Variants in IFT57 observed in about 807,000 individuals in gnomAD.
IFT57 encodes the protein intraflagellar transport protein 57 homolog.
A neutral mutation model predicts 56.8 loss-of-function variants in IFT57; 59 were observed. That is an observed-to-expected ratio of 1.04 (90% CI 0.84 to 1.29). The LOEUF is 1.29. IFT57 is among the 50% of genes most tolerant of loss of function. IFT57 has a pLI of 0.00. For synonymous variants in IFT57, 209 were observed against 186.1 expected, an observed-to-expected ratio of 1.12 and a Z score of -1.00; for missense variants, 470 against 522.1, an observed-to-expected ratio of 0.90 and a Z score of 0.97.
Position 108,213,938 on chromosome 3 carries a change from T to TTA in IFT57, c.577_578insTA (p.Glu193ValfsTer20), listed in dbSNP as rs2080357227. ...GTTCAGCTACACACATACCACAAATTCTTCATCCACTTTATTTAATGTTAA... is the reference window on the plus strand; with the variant it reads ...GTTCAGCTACACACATACCACAAATTTACTTCATCCACTTTATTTAATGTTAA... On this transcript the variant is annotated frameshift_variant, in exon 4 of 11. Transcript: ENST00000264538. LOFTEE classifies it high-confidence loss of function. The TTA allele has an allele frequency of 1.3e-6, 2 of 1,600,000 alleles. No homozygotes were observed. Among genetic ancestry groups the TTA allele is most frequent in the East Asian group, 4.5e-5 (2 of 44,678 alleles).
chr3:108,205,994 T>TTA (rs71103464), intron 5 of IFT57, among the ~76,000 whole-genome samples: 83,888 of 113,886 alleles, frequency 0.74, 31,341 homozygotes, highest in Non-Finnish European at 0.85. Context: ...TATAATATAT[T>TTA]TATGTTATAT....
intron 3 of IFT57, among the ~76,000 whole-genome samples, chr3:108,214,317 C>T (rs1200188847): frequency 6.6e-6 from 1 of 152,096 alleles, no homozygotes; most frequent in Admixed American, 6.6e-5. Context: ...TTTTTACATA[C>T]AAGCACTGTA....
intron 10 of IFT57, among the ~76,000 whole-genome samples, chr3:108,163,010 T>C (rs970078479): frequency 1.3e-5 from 2 of 152,028 alleles, no homozygotes; most frequent in Non-Finnish European, 2.9e-5. Context: ...GAATTATCTT[T>C]GAGATGTAGA....
At chr3:108,192,344 C>T (rs1157696412) in intron 5 of IFT57, among the ~76,000 whole-genome samples, 1 of 151,974 alleles carries the variant, frequency 6.6e-6, no homozygotes, top group Admixed American at 6.6e-5. Flanking sequence ...TACAATATAG[C>T]TTAAAGCGTA....
chr3:108,170,974 T>C (rs549749767), intron 6 of IFT57, among the ~76,000 whole-genome samples: 3 of 151,822 alleles, frequency 2.0e-5, no homozygotes, highest in Admixed American at 6.6e-5. Flanking sequence ...AAAAGAAAAA[T>C]ACAGTAAGTT....
intron 6 of IFT57, among the ~76,000 whole-genome samples, chr3:108,185,921 G>A (rs1040133093): frequency 6.6e-6 from 1 of 152,038 alleles, no homozygotes; most frequent in African/African-American, 2.4e-5. Context: ...GTTAGTAAGG[G>A]ACTGCCCTTT....
In IFT57 at chr3:108,196,379, T is replaced by C. The variant is rs1226161479; in HGVS notation, c.655-4736A>G. On this transcript the variant is annotated intron_variant, in intron 5 of 10. Transcript: ENST00000264538. The stretch of plus-strand genomic sequence containing the variant: ...CTTTCTTCAGGCCTGGATGTAGGAT[T>C]GTTCAAGTTGTGAATAACATACTCA... Among the ~76,000 whole-genome samples, 11 of 152,086 alleles carry C rather than the reference T, an allele frequency of 7.2e-5. No individual in the cohort carries two copies. In the South Asian group the frequency reaches 2.3e-3, roughly 32 times the overall value.
At chr3:108,191,477 T>C in intron 6 of IFT57, 44 bp downstream of exon 6, 2 of 1,421,194 alleles carry the variant, frequency 1.4e-6, no homozygotes, top group East Asian at 2.4e-5. Flanking sequence ...AGTTTCCTTA[T>C]AACTTTTTTT....
intron 6 of IFT57, among the ~76,000 whole-genome samples, chr3:108,173,766 CTGTGTGTGTGTGTGTGTGTG>C (rs59233165): frequency 1.6e-5 from 2 of 124,668 alleles, no homozygotes; most frequent in East Asian, 2.5e-4. Context: ...GTCAGGGACT[CTGTGTGTGTGTGTGTGTGTG>C]TGTGTGTGTG....
At chr3:108,208,371 G>A (rs1358673054) in intron 4 of IFT57, among the ~76,000 whole-genome samples, 1 of 152,178 alleles carries the variant, frequency 6.6e-6, no homozygotes, top group East Asian at 1.9e-4. Context: ...ATGCTCATGG[G>A]AGAAGAGACA....
intron 6 of IFT57, among the ~76,000 whole-genome samples, chr3:108,174,221 AT>A (rs1349428611): frequency 6.6e-6 from 1 of 151,788 alleles, no homozygotes; most frequent in East Asian, 1.9e-4. Context: ...ATGGAAAAAA[AT>A]ATAAATGATT....
intron 5 of IFT57, among the ~76,000 whole-genome samples, chr3:108,205,840 ATTAAT>A (rs2080307196): frequency 1.2e-5 from 1 of 81,574 alleles, no homozygotes; most frequent in African/African-American, 3.2e-5. Flanking sequence ...ATATTATTTA[ATTAAT>A]TTAACATATA....
chr3:108,175,846 C>T (rs2080121144), intron 6 of IFT57, among the ~76,000 whole-genome samples: 1 of 151,396 alleles, frequency 6.6e-6, no homozygotes, highest in Non-Finnish European at 1.5e-5. Flanking sequence ...AGGCATAGTG[C>T]TAAAGAATTA....
intron 6 of IFT57, among the ~76,000 whole-genome samples, chr3:108,184,413 C>T (rs1419146220): frequency 6.6e-6 from 1 of 151,784 alleles, no homozygotes; most frequent in Non-Finnish European, 1.5e-5. Context: ...GCAGATGAAC[C>T]ACACAGGCTA....
intron 6 of IFT57, among the ~76,000 whole-genome samples, chr3:108,184,904 G>C (rs935957886): frequency 6.6e-6 from 1 of 152,050 alleles, no homozygotes; most frequent in African/African-American, 2.4e-5. Flanking sequence ...AACACCATGG[G>C]ACCTATACAA....
intron 4 of IFT57, among the ~76,000 whole-genome samples, chr3:108,208,741 C>T (rs1263345212): frequency 6.6e-6 from 1 of 152,176 alleles, no homozygotes; most frequent in Non-Finnish European, 1.5e-5. Flanking sequence ...GAAATTAAGA[C>T]TGCTACCTGG....
At chr3:108,189,522 A>G (rs2080203492) in intron 6 of IFT57, among the ~76,000 whole-genome samples, 1 of 152,178 alleles carries the variant, frequency 6.6e-6, no homozygotes. Context: ...TGATAAGCTT[A>G]TCTAGAACCT....
In IFT57 at chr3:108,183,877, C is replaced by G. The variant is rs75000705; in HGVS notation, c.777+7644G>C. On this transcript the variant is annotated intron_variant, in intron 6 of 10. Transcript: ENST00000264538. ...AAAATTTATATGAATATGCATTCAC[C>G]TTTTCTATTTCTCCAGAAATATGGA... 3.3e-4 allele frequency among the ~76,000 whole-genome samples: 50 copies of G among 152,202 alleles called. No individual in the cohort carries two copies. The East Asian group carries it at 9.5e-3, about 29-fold the overall frequency.
At chr3:108,204,617 T>G (rs1349667480) in intron 5 of IFT57, among the ~76,000 whole-genome samples, 1 of 152,250 alleles carries the variant, frequency 6.6e-6, no homozygotes, top group Non-Finnish European at 1.5e-5. Context: ...CTTTTATTTT[T>G]CTTCTCACAT....
Sources: gnomAD v4.1 joint callset for allele counts (sites outside exome capture counted in the v4.1 genomes callset) on GRCh38, gnomAD v4.1.1 for gene constraint, MANE v1.5 for transcripts, NCBI Gene and HGNC (gene_info 2026-07-23, HGNC 2026-07-21) for gene names.